Variants in LLGL2 observed in about 807,000 individuals in gnomAD.
The protein encoded by LLGL2 is LLGL2, scribble cell polarity complex component.
Under a neutral mutation model 123.2 loss-of-function variants are expected in LLGL2, and 81 were observed. That is an observed-to-expected ratio of 0.66 (90% CI 0.55 to 0.79). The LOEUF (loss-of-function observed/expected upper bound fraction) is 0.79. Ranked by LOEUF, LLGL2 falls within the 30% of genes least tolerant of loss-of-function variation. The probability of loss-of-function intolerance (pLI) is 0.00; values close to 1 mark genes in which losing one functional copy is unlikely to be tolerated. For missense variants in LLGL2, 1,273 were observed against 1,414.6 expected (o/e 0.90, Z 1.61); for synonymous variants, 577 against 594.1 (o/e 0.97, Z 0.42).
Position 75,543,446 on chromosome 17 carries a change from C to A in LLGL2, c.20C>A (p.Pro7Gln). 6.2e-7 allele frequency: 1 copy of A among 1,609,100 alleles called. No homozygotes were observed. Among genetic ancestry groups the A allele is most frequent in the South Asian group, 1.1e-5 (1 of 90,400 alleles). Residue 7 changes from proline (P) to glutamine (Q), a missense_variant, in exon 2 of 26, where the codon CCA (proline) becomes CAA (glutamine). By Grantham distance (76) the Pro-to-Gln change is moderately conservative. Coordinates refer to ENST00000392550, the MANE Select transcript of LLGL2 (RefSeq NM_001031803.2). ...AGCAAAATGAGGCGGTTCCTGAGGCCAGGGCATGACCCTGTGCGGGAGAGG... is the reference window on the plus strand; with the variant it reads ...AGCAAAATGAGGCGGTTCCTGAGGCAAGGGCATGACCCTGTGCGGGAGAGG... Reference protein sequence around the residue: MRRFLRPGHDPVRERLK... With the variant: MRRFLRQGHDPVRERLK...
At chr17:75,566,026 A>G (rs985794891) in intron 10 of LLGL2, among the ~76,000 whole-genome samples, 2 of 152,212 alleles carry the variant, frequency 1.3e-5, no homozygotes, top group African/African-American at 2.4e-5. Context: ...TGGTTTAGAC[A>G]AGGGTTGGCA....
chr17:75,547,097 T>C (rs56054013), intron 2 of LLGL2, among the ~76,000 whole-genome samples: 53,537 of 152,128 alleles, frequency 0.35, 9,786 homozygotes, highest in South Asian at 0.57. Context: ...CTGGCCTTTT[T>C]GTCCAACACC....
intron 10 of LLGL2, among the ~76,000 whole-genome samples, chr17:75,565,120 C>T (rs891473651): frequency 3.9e-5 from 6 of 152,316 alleles, no homozygotes; most frequent in Middle Eastern, 3.4e-3. Flanking sequence ...ACACCCACCC[C>T]GCTGAGGCAA....
chr17:75,572,588 C>A (rs984687502), intron 19 of LLGL2, among the ~76,000 whole-genome samples: 2 of 150,316 alleles, frequency 1.3e-5, no homozygotes, highest in African/African-American at 4.9e-5. Context: ...TGGCGTGAAC[C>A]CAGGAGGCGG....
At chr17:75,562,610 C>T (rs536022166) in intron 6 of LLGL2, 1 of 206,884 alleles carries the variant, frequency 4.8e-6, no homozygotes, top group Admixed American at 5.2e-5. Context: ...ACTCTGTCAC[C>T]CAGGCTGGAG....
intron 2 of LLGL2, among the ~76,000 whole-genome samples, chr17:75,554,761 C>T (rs1182751555): frequency 3.4e-5 from 5 of 147,504 alleles, no homozygotes; most frequent in Admixed American, 1.3e-4. Context: ...TGGTGGCGGG[C>T]GCCTGTAGTC....
chr17:75,563,690 G>A, intron 8 of LLGL2, 62 bp from the exon 9 acceptor site: 1 of 1,583,060 alleles, frequency 6.3e-7, no homozygotes, highest in Non-Finnish European at 8.7e-7. Context: ...ATCTGTGCCT[G>A]TGGGGACTGA....
Position 75,568,544 on chromosome 17 carries a change from G to A in LLGL2, c.1105G>A (p.Ala369Thr), listed in dbSNP as rs761250734. ...EELVVIDLQTAGWPPVQLPYL... is the reference protein window; with the variant it reads ...EELVVIDLQTTGWPPVQLPYL... ...GCTGGTGGTGATTGACCTGCAGACA[G>A]CAGGCTGGCCACCGGTCCAGCTGCC... The change falls in exon 11 of 26, where the codon GCA (alanine) becomes ACA (threonine). Residue 369 changes from alanine (A) to threonine (T), a missense_variant. Transcript: ENST00000392550. The A allele has an allele frequency of 6.2e-7, 1 of 1,613,660 alleles. No homozygotes were observed. Among genetic ancestry groups the A allele is most frequent in the East Asian group, 2.2e-5 (1 of 44,864 alleles).
rs367870566 is a variant in LLGL2, at chr17:75,573,289, C to A, written c.2725+11C>A. 30 of 1,587,820 alleles carry A rather than the reference C, an allele frequency of 1.9e-5. No homozygotes were observed. Among genetic ancestry groups the A allele is most frequent in the Non-Finnish European group, 2.3e-5 (27 of 1,162,564 alleles). On this transcript the variant is annotated intron_variant, in intron 20 of 25. Coordinates refer to ENST00000392550, the MANE Select transcript of LLGL2 (RefSeq NM_001031803.2). ...CCAAATATGGCCAAGGTGTTTGAGC[C>A]GGGCTGGGTGGGTGTCGGGGCCCCG... is the stretch of plus-strand genomic sequence containing the variant.
intron 10 of LLGL2, chr17:75,568,208 G>A (rs2055529186): frequency 4.3e-6 from 6 of 1,389,584 alleles, no homozygotes; most frequent in Non-Finnish European, 5.6e-6. Context: ...CCTCTGGGGT[G>A]CCTATCCTGG....
In LLGL2 at chr17:75,559,211, C is replaced by A. The variant is rs754277731; in HGVS notation, c.372-41C>A. Reference sequence around the variant, plus strand: ...GACCCCGTCCATGGCATCTCCCCTGCTGGGCAGTGGTCGGCTCACGGGCAG... The same window carrying A: ...GACCCCGTCCATGGCATCTCCCCTGATGGGCAGTGGTCGGCTCACGGGCAG... On this transcript the variant is annotated intron_variant, in intron 5 of 25. Transcript: ENST00000392550. The surrounding 1 kb of genome is among the most constrained non-coding windows in gnomAD (Gnocchi z 4.6). 1.3e-6 allele frequency: 2 copies of A among 1,545,406 alleles called. No homozygotes were observed. Among genetic ancestry groups the A allele is most frequent in the South Asian group, 1.2e-5 (1 of 81,636 alleles).
At chr17:75,525,199 C>CG (rs1728797448), upstream of LLGL2, 2 of 152,268 alleles carry the variant, frequency 1.3e-5, no homozygotes, top group South Asian at 4.1e-4. The surrounding 1 kb of genome is among the most constrained non-coding windows in gnomAD (Gnocchi z 4.8). Context: ...GCACCCCCCC[C>CG]CGAGGAAAGG....
At position 75,571,114 on chromosome 17, in the gene LLGL2, C is replaced by T; in HGVS notation, c.2176+14C>T. 8.9e-7 allele frequency: 1 copy of T among 1,123,066 alleles called. No individual in the cohort carries two copies. The allele number at this position is 1,123,066 out of a possible 1,614,324, so 69.6% of individuals were successfully genotyped here. A position where few individuals can be genotyped will look rare whatever the true frequency, so the allele number is the denominator to read the frequency against. On this transcript the variant is annotated intron_variant, in intron 17 of 25. Coordinates refer to ENST00000392550, the MANE Select transcript of LLGL2 (RefSeq NM_001031803.2). ...ACCTGAAGGACAGTGAGTGGCCAGC[C>T]TGGGGTTGGGGGGCAGGGGGTAGTG...
rs2054909564 is a variant in LLGL2 at position 75,556,255 on chromosome 17, T to C, written c.173+112T>C. On this transcript the variant is annotated intron_variant, in intron 3 of 25. Transcript: ENST00000392550. The stretch of plus-strand genomic sequence containing the variant: ...GGGCTGTTGGGATAAAATGAGGGAC[T>C]TTCCTGATTTCCAGTTTTGGACATG... 5.0e-6 allele frequency: 4 copies of C among 803,384 alleles called. No homozygotes were observed. The East Asian group carries it at 1.0e-4, about 21-fold the overall frequency. The allele number at this position is 803,384 out of a possible 1,614,324, so 49.8% of individuals were successfully genotyped here.
intron 20 of LLGL2, 38 bp downstream of exon 20, chr17:75,573,316 G>C: frequency 6.4e-7 from 1 of 1,574,292 alleles, no homozygotes; most frequent in Non-Finnish European, 8.7e-7. Context: ...GGGGCCCCGG[G>C]CACTGCACGG....
chr17:75,564,314 A>C lies in LLGL2; in HGVS notation c.882-39A>C. 3 of 1,571,104 alleles carry C rather than the reference A, an allele frequency of 1.9e-6. No homozygotes were observed. Among genetic ancestry groups the C allele is most frequent in the Non-Finnish European group, 2.6e-6 (3 of 1,160,150 alleles). On this transcript the variant is annotated intron_variant, in intron 9 of 25. Transcript: ENST00000392550. This position sits in a 1 kb window ranked among gnomAD's most constrained non-coding sequence, Gnocchi z 4.9. ...GGCCTGTGGCTGTTGAGGCTGTGCCAGGAGCCCCAGCCCACTGCCGCTCCT... is the reference window on the plus strand; with the variant it reads ...GGCCTGTGGCTGTTGAGGCTGTGCCCGGAGCCCCAGCCCACTGCCGCTCCT...
In LLGL2 at chr17:75,533,373, C is replaced by T. The variant is rs1190108189; in HGVS notation, c.-31+7548C>T. On this transcript the variant is annotated intron_variant, in intron 1 of 25. Coordinates refer to ENST00000392550, the MANE Select transcript of LLGL2 (RefSeq NM_001031803.2). ...TGGCTGGAGTGCAGTGGCACGATCT[C>T]GGCTCACTGCAAGCTCCGCCTCCCA... 6.8e-5 allele frequency among the ~76,000 whole-genome samples: 9 copies of T among 132,890 alleles called. No individual in the cohort carries two copies. The Middle Eastern group carries it at 0.017, about 255-fold the overall frequency. The allele number at this position is 132,890 out of a possible 152,430, so 87.2% of individuals were successfully genotyped here.
At chr17:75,572,623 C>T (rs572876452) in intron 19 of LLGL2, among the ~76,000 whole-genome samples, 7 of 149,638 alleles carry the variant, frequency 4.7e-5, no homozygotes, top group Non-Finnish European at 8.9e-5. Flanking sequence ...CGAGATTGTG[C>T]CACTGCCCTC....
chr17:75,538,261 G>C (rs543927166), intron 1 of LLGL2, among the ~76,000 whole-genome samples: 40 of 152,184 alleles, frequency 2.6e-4, no homozygotes, highest in African/African-American at 9.7e-4. Context: ...AGGAGGGAAC[G>C]GGGGGTGGGC....
Sources: gnomAD v4.1 joint callset for allele counts (sites outside exome capture counted in the v4.1 genomes callset) on GRCh38, gnomAD v4.1.1 for gene constraint, Gnocchi (gnomAD v3.1) non-coding constraint, MANE v1.5 for transcripts, NCBI Gene and HGNC (gene_info 2026-07-23, HGNC 2026-07-21) for gene names.